The following GJC1 variants were observed in gnomAD, a reference collection of about 807,000 sequenced individuals.
GJC1 encodes the protein gap junction protein gamma 1.
GJC1 carries 5 observed loss-of-function variants against 29.3 expected under a neutral mutation model. The observed-to-expected ratio is 0.17, with a 90% CI of 0.09 to 0.36. GJC1 has a LOEUF of 0.36. Ranked by LOEUF, GJC1 falls within the 10% of genes least tolerant of loss-of-function variation. GJC1 has a pLI of 1.00. For synonymous variants in GJC1, 177 were observed against 183.3 expected, an observed-to-expected ratio of 0.97 and a Z score of 0.28; for missense variants, 310 against 496.2, an observed-to-expected ratio of 0.62 and a Z score of 3.56.
chr17:44,803,752 T>A lies in GJC1; in HGVS notation c.*875A>T, dbSNP rs2145296745. 6.6e-6 allele frequency: 1 copy of A among 152,330 alleles called. No individual in the cohort carries two copies. Among genetic ancestry groups the A allele is most frequent in the East Asian group, 1.9e-4 (1 of 5,194 alleles). The allele number at this position is 152,330 out of a possible 1,614,324, so 9.4% of individuals were successfully genotyped here. A position where few individuals can be genotyped will look rare whatever the true frequency, so the allele number is the denominator to read the frequency against. ...TCACAACTAAGCAGCCTATTAGGGA[T>A]TCCAGGCATGGCTTTGCTTTCTGAG... is the stretch of plus-strand genomic sequence containing the variant. On this transcript the variant is annotated 3_prime_UTR_variant, in exon 3 of 3. Transcript: ENST00000592524.
At chr17:44,827,197 C>T (rs1482835239) in intron 1 of GJC1, among the ~76,000 whole-genome samples, 7 of 152,076 alleles carry the variant, frequency 4.6e-5, no homozygotes, top group African/African-American at 1.7e-4. Flanking sequence ...GTAATCCCAG[C>T]TACTTGGGAG....
intron 1 of GJC1, among the ~76,000 whole-genome samples, chr17:44,821,717 A>C (rs1171956931): frequency 2.7e-5 from 4 of 146,070 alleles, no homozygotes; most frequent in Admixed American, 6.9e-5. Context: ...AAAAAAAAAA[A>C]AAAAAAAACA....
At chr17:44,826,486 C>T (rs560800113) in intron 1 of GJC1, among the ~76,000 whole-genome samples, 25 of 150,360 alleles carry the variant, frequency 1.7e-4, no homozygotes, top group African/African-American at 5.9e-4. Context: ...GCAGAGATCA[C>T]GCCACTGCAC....
At chr17:44,814,497 C>T (rs111271177) in intron 1 of GJC1, among the ~76,000 whole-genome samples, 8,413 of 151,928 alleles carry the variant, frequency 0.055, 295 homozygotes, top group Non-Finnish European at 0.079. Context: ...TTAAAGAATG[C>T]TGCAATTCAC....
intron 1 of GJC1, among the ~76,000 whole-genome samples, chr17:44,815,065 A>G (rs1208990174): frequency 2.0e-5 from 3 of 152,170 alleles, no homozygotes; most frequent in African/African-American, 2.4e-5. Flanking sequence ...CTCATGAATA[A>G]AAAATCATGT....
At chr17:44,828,339 G>C (rs565493903) in intron 1 of GJC1, among the ~76,000 whole-genome samples, 1 of 152,298 alleles carries the variant, frequency 6.6e-6, no homozygotes, top group African/African-American at 2.4e-5. Context: ...CTTTTTAAGA[G>C]AACTGTTTCT....
chr17:44,796,437 T>A (rs2049783693), downstream of GJC1, among the ~76,000 whole-genome samples: 1 of 152,166 alleles, frequency 6.6e-6, no homozygotes, highest in Non-Finnish European at 1.5e-5. Context: ...AGGTCTCCCC[T>A]CCAGGGAGCC....
rs183142881 is a variant in GJC1 at position 44,802,586 on chromosome 17, G to A, written c.*2041C>T. 3.3e-5 allele frequency: 5 copies of A among 152,236 alleles called. No homozygotes were observed. The highest frequency in any genetic ancestry group is 3.3e-4 in the Admixed American group (5 of 15,280). The allele number at this position is 152,236 out of a possible 1,614,324, so 9.4% of individuals were successfully genotyped here. A position where few individuals can be genotyped will look rare whatever the true frequency, so the allele number is the denominator to read the frequency against. On this transcript the variant is annotated 3_prime_UTR_variant, in exon 3 of 3. Transcript: ENST00000592524. The stretch of plus-strand genomic sequence containing the variant: ...TGAAATTTCTCCTTCAGTCTCACCT[G>A]AGTTTAATTTTTGCCTAAGATGTTT...
At position 44,804,548 on chromosome 17, in the gene GJC1, T is replaced by C; in HGVS notation, c.*79A>G. 1 of 1,117,034 alleles carries C rather than the reference T, an allele frequency of 9.0e-7. No homozygotes were observed. The highest frequency in any genetic ancestry group is 1.5e-5 in the South Asian group (1 of 68,014). The allele number at this position is 1,117,034 out of a possible 1,614,324, so 69.2% of individuals were successfully genotyped here. On this transcript the variant is annotated 3_prime_UTR_variant, in exon 3 of 3. Coordinates refer to ENST00000592524, the MANE Select transcript of GJC1 (RefSeq NM_005497.4). The stretch of plus-strand genomic sequence containing the variant: ...CCTGAAGATAACCAGAGCCAAATGT[T>C]TACTCAATGGAAGTCATTATTCAGT...
chr17:44,826,056 G>A (rs1305694896), intron 1 of GJC1, among the ~76,000 whole-genome samples: 2 of 152,044 alleles, frequency 1.3e-5, no homozygotes, highest in Non-Finnish European at 2.9e-5. Flanking sequence ...GAGTAGCTGG[G>A]ATTACAGATG....
rs547104168 is a variant in GJC1, at chr17:44,807,954, C to T, written c.-96-485G>A. On this transcript the variant is annotated intron_variant, in intron 1 of 2. Coordinates refer to ENST00000592524, the MANE Select transcript of GJC1 (RefSeq NM_005497.4). ...GCTGGCTCTCAGTCACAGGAACACC[C>T]GTCTCCATGGGAGGTGATTTACAGA... 246 of 152,290 alleles carry T rather than the reference C, an allele frequency of 1.6e-3. 1 individual carries two copies. Among genetic ancestry groups the T allele is most frequent in the African/African-American group, 5.8e-3 (240 of 41,556 alleles). 9.4% of individuals were successfully genotyped at this position (152,290 alleles called of 1,614,324 possible).
chr17:44,795,815 T>C (rs1230267335), downstream of GJC1, among the ~76,000 whole-genome samples: 1 of 152,264 alleles, frequency 6.6e-6, no homozygotes, highest in Non-Finnish European at 1.5e-5. Flanking sequence ...CAATTAGACC[T>C]CTGCCTCATT....
chr17:44,797,183 G>A (rs866762593), downstream of GJC1, among the ~76,000 whole-genome samples: 1 of 151,974 alleles, frequency 6.6e-6, no homozygotes, highest in Non-Finnish European at 1.5e-5. Flanking sequence ...TTGGCTCACT[G>A]CAAGCTTCGC....
At chr17:44,813,301 T>C (rs1393766191) in intron 1 of GJC1, 1 of 150,950 alleles carries the variant, frequency 6.6e-6, no homozygotes, top group African/African-American at 2.4e-5. Flanking sequence ...CTCAGGAGAT[T>C]CACCCTTCGG....
At chr17:44,825,802 G>A (rs983461335) in intron 1 of GJC1, among the ~76,000 whole-genome samples, 3 of 151,250 alleles carry the variant, frequency 2.0e-5, no homozygotes, top group African/African-American at 4.9e-5. Context: ...AAAGTTGAAT[G>A]ACTTAATGGG....
In GJC1 at chr17:44,805,694, A is replaced by T. The variant is rs1460737573; in HGVS notation, c.124T>A (p.Ser42Thr). 1 of 1,614,040 alleles carries T rather than the reference A, an allele frequency of 6.2e-7. No individual in the cohort carries two copies. The highest frequency in any genetic ancestry group is 1.3e-5 in the African/African-American group (1 of 75,028). Residue 42 changes from serine to threonine, a missense_variant, in exon 3 of 3, where the codon TCC becomes ACC. By Grantham distance (58) the Ser-to-Thr change is moderately conservative. This residue lies in a region of GJC1 where 37 missense variants were observed against 104.2 expected (regional missense o/e 0.35). Coordinates refer to ENST00000592524, the MANE Select transcript of GJC1 (RefSeq NM_005497.4). This position sits in a 1 kb window ranked among gnomAD's most constrained non-coding sequence, Gnocchi z 5.1. ...RIVLTAVGGESIYYDEQSKFV... is the reference protein window; with the variant it reads ...RIVLTAVGGETIYYDEQSKFV... ...TTGCTTTGCTCATCGTAATAGATGG[A>T]TTCTCCTCCTACAGCTGTAAGGACG...
intron 1 of GJC1, among the ~76,000 whole-genome samples, chr17:44,811,382 TTTTTTC>T (rs1343836460): frequency 3.4e-5 from 5 of 147,276 alleles, no homozygotes; most frequent in African/African-American, 1.3e-4. Flanking sequence ...GCACCTGGCC[TTTTTTC>T]TTTTTTTTTT....
In GJC1 at chr17:44,805,659, G is replaced by A; in HGVS notation, c.159C>T (p.Cys53=). The part of the protein sequence containing the change: ...IYYDEQSKFV[C]NTEQPGCENV... ...TCTCACAGCCCGGCTGTTCTGTGTT[G>A]CACACAAATTTGCTTTGCTCATCGT... Residue 53 remains cysteine, a synonymous_variant, in exon 3 of 3, where the codon TGC becomes TGT. Transcript: ENST00000592524. The surrounding 1 kb of genome is among the most constrained non-coding windows in gnomAD (Gnocchi z 5.1). The A allele has an allele frequency of 6.2e-7, 1 of 1,614,156 alleles. No homozygotes were observed. The highest frequency in any genetic ancestry group is 8.5e-7 in the Non-Finnish European group (1 of 1,180,014).
chr17:44,808,141 C>T (rs1217307454), intron 1 of GJC1, among the ~76,000 whole-genome samples: 1 of 150,988 alleles, frequency 6.6e-6, no homozygotes, highest in African/African-American at 2.4e-5. Context: ...CCACATTTAG[C>T]AAATAAATTT....
Sources: gnomAD v4.1 joint callset for allele counts (sites outside exome capture counted in the v4.1 genomes callset) on GRCh38, gnomAD v4.1.1 for gene constraint, gnomAD v4.1.1 regional missense constraint, Gnocchi (gnomAD v3.1) non-coding constraint, MANE v1.5 for transcripts, NCBI Gene and HGNC (gene_info 2026-07-23, HGNC 2026-07-21) for gene names.